Variants in CTNNA2 observed in about 807,000 individuals in gnomAD.
The protein encoded by CTNNA2 is catenin alpha-2.
CTNNA2 carries 42 observed loss-of-function variants against 101.0 expected under a neutral mutation model. The observed-to-expected ratio is 0.42, with a 90% CI of 0.32 to 0.54. The LOEUF is 0.54. Among genes scored for constraint, CTNNA2 ranks in the 20% least tolerant of loss-of-function variants. CTNNA2 has a pLI of 0.14. For missense variants in CTNNA2, 871 were observed against 1,223.1 expected, an observed-to-expected ratio of 0.71 and a Z score of 4.29; for synonymous variants, 450 against 456.4, an observed-to-expected ratio of 0.99 and a Z score of 0.18.
chr2:79,431,969 A>G (rs1217473259), intron 4 of CTNNA2, among the ~76,000 whole-genome samples: 1 of 152,232 alleles, frequency 6.6e-6, no homozygotes, highest in Non-Finnish European at 1.5e-5. Flanking sequence ...GGCACATAGA[A>G]GTCACTGGTT....
intron 1 of CTNNA2, among the ~76,000 whole-genome samples, chr2:79,632,942 A>T (rs1286969240): frequency 6.6e-6 from 1 of 152,198 alleles, no homozygotes; most frequent in African/African-American, 2.4e-5. Context: ...AGATGGCATG[A>T]AAAAGAGTAG....
chr2:80,626,779 T>C (rs1040001170), intron 18 of CTNNA2, among the ~76,000 whole-genome samples: 1 of 152,084 alleles, frequency 6.6e-6, no homozygotes, highest in African/African-American at 2.4e-5. Context: ...GTTTGTTACA[T>C]AGGTATACAT....
At chr2:79,338,644 A>C (rs867787126) in intron 3 of CTNNA2, among the ~76,000 whole-genome samples, 1 of 39,364 alleles carries the variant, frequency 2.5e-5, no homozygotes, top group African/African-American at 9.5e-5. Context: ...CTTCTTCTTC[A>C]AAGATTCCTC....
At chr2:79,778,443 T>C (rs1674157812) in intron 3 of CTNNA2, among the ~76,000 whole-genome samples, 1 of 152,188 alleles carries the variant, frequency 6.6e-6, no homozygotes, top group African/African-American at 2.4e-5. Flanking sequence ...TTTAATGTGT[T>C]AGTATGGCAA....
chr2:79,608,956 G>C (rs62140085), intron 1 of CTNNA2, among the ~76,000 whole-genome samples: 6,911 of 151,992 alleles, frequency 0.045, 220 homozygotes, highest in Non-Finnish European at 0.065. Flanking sequence ...TACTAATTTG[G>C]AGAAAATGGG....
chr2:80,606,774 A>G (rs1018864573), intron 16 of CTNNA2, among the ~76,000 whole-genome samples: 4 of 151,916 alleles, frequency 2.6e-5, no homozygotes, highest in African/African-American at 9.7e-5. Flanking sequence ...TATGCATGCC[A>G]TATAAACTTT....
chr2:80,634,206 T>C (rs1384322096), intron 18 of CTNNA2, among the ~76,000 whole-genome samples: 3 of 152,118 alleles, frequency 2.0e-5, no homozygotes, highest in East Asian at 1.9e-4. Context: ...CATAAAAATA[T>C]GAGTATATAA....
At chr2:79,524,458 AC>A (rs769165847) in intron 1 of CTNNA2, among the ~76,000 whole-genome samples, 1 of 151,656 alleles carries the variant, frequency 6.6e-6, no homozygotes, top group East Asian at 1.9e-4. Context: ...GTCCAAAAAA[AC>A]GTGCCCTTGT....
At chr2:79,323,502 T>C (rs925772236) in intron 3 of CTNNA2, among the ~76,000 whole-genome samples, 4 of 151,988 alleles carry the variant, frequency 2.6e-5, no homozygotes, top group Non-Finnish European at 5.9e-5. Context: ...GTGGGTCCCA[T>C]ACTCAACATC....
At position 80,302,803 on chromosome 2, in the gene CTNNA2, G is replaced by A. The variant is rs767222641; in HGVS notation, c.1057-90408G>A. 4 of 1,613,848 alleles carry A rather than the reference G, an allele frequency of 2.5e-6. No homozygotes were observed. The highest frequency in any genetic ancestry group is 3.4e-6 in the Non-Finnish European group (4 of 1,179,984). On this transcript the variant is annotated intron_variant, in intron 7 of 18. Coordinates refer to ENST00000402739, the MANE Select transcript of CTNNA2 (RefSeq NM_001282597.3). The surrounding 1 kb of genome is among the most constrained non-coding windows in gnomAD (Gnocchi z 6.4). ...CGTACTCCGGGCTGGCGCACTGCAA[G>A]TTGCCATCGTAGCGCCCCTGGAAGT...
intron 7 of CTNNA2, among the ~76,000 whole-genome samples, chr2:80,145,614 A>G (rs1305728409): frequency 6.6e-6 from 1 of 152,220 alleles, no homozygotes; most frequent in Non-Finnish European, 1.5e-5. Flanking sequence ...ATTAAGAAGA[A>G]TATGGTATGT....
At chr2:79,920,751 G>A (rs1400655652) in intron 7 of CTNNA2, among the ~76,000 whole-genome samples, 3 of 152,310 alleles carry the variant, frequency 2.0e-5, no homozygotes, top group South Asian at 4.1e-4. Context: ...TTAAGGCCCT[G>A]TCAGAGGCCA....
At chr2:80,523,665 C>A (rs1355410419) in intron 9 of CTNNA2, among the ~76,000 whole-genome samples, 1 of 152,118 alleles carries the variant, frequency 6.6e-6, no homozygotes, top group Admixed American at 6.5e-5. Flanking sequence ...GGACATGCAG[C>A]CAGCAGCTTG....
At chr2:79,408,390 G>C (rs559146396) in intron 4 of CTNNA2, among the ~76,000 whole-genome samples, 1 of 151,006 alleles carries the variant, frequency 6.6e-6, no homozygotes, top group South Asian at 2.1e-4. Context: ...TGCCATGCTG[G>C]TGTGCTGCAC....
chr2:79,931,179 TG>T (rs1442544340), intron 7 of CTNNA2, among the ~76,000 whole-genome samples: 1 of 152,220 alleles, frequency 6.6e-6, no homozygotes, highest in African/African-American at 2.4e-5. Flanking sequence ...ACTGTGTATG[TG>T]TTAACTAGTG....
chr2:80,193,668 C>T (rs1461905251), intron 7 of CTNNA2, among the ~76,000 whole-genome samples: 1 of 152,142 alleles, frequency 6.6e-6, no homozygotes, highest in East Asian at 1.9e-4. Flanking sequence ...TTTTCTGGGT[C>T]TTGGGTTTTC....
intron 11 of CTNNA2, among the ~76,000 whole-genome samples, chr2:80,549,185 T>G (rs1692345375): frequency 6.6e-6 from 1 of 152,232 alleles, no homozygotes; most frequent in Admixed American, 6.5e-5. Context: ...AACCTACAAT[T>G]TTTAATAGTA....
At chr2:79,903,018 G>A (rs1315472282) in intron 6 of CTNNA2, among the ~76,000 whole-genome samples, 1 of 152,172 alleles carries the variant, frequency 6.6e-6, no homozygotes, top group Non-Finnish European at 1.5e-5. Context: ...ACATTGCAGT[G>A]TAAAAATAGG....
At chr2:80,614,338 G>C (rs1698682209) in intron 17 of CTNNA2, among the ~76,000 whole-genome samples, 2 of 151,462 alleles carry the variant, frequency 1.3e-5, no homozygotes, top group South Asian at 4.1e-4. Flanking sequence ...AAAACACAAT[G>C]TAGTACTTAT....
Sources: gnomAD v4.1 joint callset for allele counts (sites outside exome capture counted in the v4.1 genomes callset) on GRCh38, gnomAD v4.1.1 for gene constraint, Gnocchi (gnomAD v3.1) non-coding constraint, MANE v1.5 for transcripts, NCBI Gene and HGNC (gene_info 2026-07-23, HGNC 2026-07-21) for gene names.